Variants in KANK1 observed in about 807,000 individuals in gnomAD.
KANK1 encodes KN motif and ankyrin repeat domains 1.
KANK1 carries 109 observed loss-of-function variants against 106.2 expected under a neutral mutation model. That is an observed-to-expected ratio of 1.03 (90% CI 0.88 to 1.20). The LOEUF (loss-of-function observed/expected upper bound fraction) is 1.20, where lower values mean the gene tolerates loss of function less well. Among genes scored for constraint, KANK1 ranks in the 50% most tolerant of loss-of-function variants. The pLI is 0.00. For synonymous variants in KANK1, 873 were observed against 652.2 expected, an observed-to-expected ratio of 1.34 and a Z score of -5.16; for missense variants, 2,399 against 1,710.7, an observed-to-expected ratio of 1.40 and a Z score of -7.10.
At position 713,167 on chromosome 9, in the gene KANK1, GA is replaced by G; in HGVS notation, c.2402del (p.Asp801ValfsTer4). 1 of 1,588,772 alleles carries G rather than the reference GA, an allele frequency of 6.3e-7. No homozygotes were observed. The highest frequency in any genetic ancestry group is 8.6e-7 in the Non-Finnish European group (1 of 1,166,702). On this transcript the variant is annotated frameshift_variant, in exon 3 of 12. Coordinates refer to ENST00000382297, the MANE Select transcript of KANK1 (RefSeq NM_015158.5). LOFTEE classifies it high-confidence loss of function. Reference protein sequence around the residue: ...TASRRSVGVGDDPVGESLENP... With the variant: ...TASRRSVGVGXDPVGESLENP... Reference sequence around the variant, plus strand: ...CAGCAGAAGGAGCGTGGGGGTTGGGGATGACCCTGTAGGGGAATCTCTGGAG... The same window carrying G: ...CAGCAGAAGGAGCGTGGGGGTTGGGGTGACCCTGTAGGGGAATCTCTGGAG...
At chr9:533,374 TGAA>T (rs1003580832) in intron 1 of KANK1, among the ~76,000 whole-genome samples, 9 of 152,234 alleles carry the variant, frequency 5.9e-5, no homozygotes, top group African/African-American at 2.2e-4. Flanking sequence ...TTTTTCCATC[TGAA>T]GAATGGACAT....
chr9:711,539 T>C lies in KANK1; in HGVS notation c.773T>C (p.Met258Thr), dbSNP rs368110608. The stretch of plus-strand genomic sequence containing the variant: ...ACCCCAGTGACCAACGTGAGCCCCA[T>C]GCACCTGCAGCACATCCGCGAGCAG... ...ISTPVTNVSP[M>T]HLQHIREQMA... Residue 258 changes from methionine (M) to threonine (T), a missense_variant, in exon 3 of 12, where the codon ATG becomes ACG. Coordinates refer to ENST00000382297, the MANE Select transcript of KANK1 (RefSeq NM_015158.5). 3 of 1,613,748 alleles carry C rather than the reference T, an allele frequency of 1.9e-6. No individual in the cohort carries two copies. The highest frequency in any genetic ancestry group is 2.2e-5 in the East Asian group (1 of 44,896).
chr9:623,061 C>T (rs949558951), intron 1 of KANK1, among the ~76,000 whole-genome samples: 39 of 152,042 alleles, frequency 2.6e-4, no homozygotes, highest in African/African-American at 8.9e-4. Flanking sequence ...ACAAGTGGGA[C>T]TACATCAAGC....
At chr9:676,813 T>G (rs1816509530) in intron 1 of KANK1, 77 bp from the exon 2 acceptor site, 1 of 609,902 alleles carries the variant, frequency 1.6e-6, no homozygotes, top group East Asian at 2.8e-5. Flanking sequence ...CAGTCATCTT[T>G]GTAAACAGAA....
upstream of KANK1, among the ~76,000 whole-genome samples, chr9:502,561 T>C (rs890757546): frequency 6.7e-6 from 1 of 150,070 alleles, no homozygotes; most frequent in African/African-American, 2.5e-5. Context: ...TCGTGCTCTG[T>C]CGCCCAGGCC....
At chr9:511,459 T>G (rs115334403) in intron 1 of KANK1, among the ~76,000 whole-genome samples, 3,302 of 152,286 alleles carry the variant, frequency 0.022, 89 homozygotes, top group African/African-American at 0.074. Context: ...GCACAGTTAC[T>G]AAACCTCTCT....
At chr9:685,131 C>T (rs1818303828) in intron 2 of KANK1, among the ~76,000 whole-genome samples, 1 of 152,176 alleles carries the variant, frequency 6.6e-6, no homozygotes, top group African/African-American at 2.4e-5. Flanking sequence ...GAAAAGTATG[C>T]TCATGTTTTA....
intron 1 of KANK1, among the ~76,000 whole-genome samples, chr9:545,724 C>CTTTTTT (rs61622402): frequency 2.9e-5 from 3 of 102,688 alleles, no homozygotes; most frequent in Admixed American, 1.1e-4. Flanking sequence ...TGTACAGAGC[C>CTTTTTT]TTTTTTTTTT....
intron 1 of KANK1, among the ~76,000 whole-genome samples, chr9:605,446 C>T (rs937261): frequency 1.3e-5 from 2 of 151,728 alleles, no homozygotes; most frequent in South Asian, 4.1e-4. Flanking sequence ...GGAAGGGCTT[C>T]CTGGAGGAGA....
intron 3 of KANK1, among the ~76,000 whole-genome samples, chr9:720,697 C>T (rs1829077429): frequency 6.6e-6 from 1 of 152,184 alleles, no homozygotes; most frequent in Non-Finnish European, 1.5e-5. Context: ...CATTCTGTCA[C>T]CCAGGTTGGA....
intron 1 of KANK1, among the ~76,000 whole-genome samples, chr9:542,052 G>A (rs1446642226): frequency 2.6e-5 from 4 of 151,604 alleles, no homozygotes; most frequent in African/African-American, 9.7e-5. Context: ...TCGCGCCACT[G>A]CACTCCAGCC....
chr9:624,092 C>A (rs1278283071), intron 1 of KANK1, among the ~76,000 whole-genome samples: 1 of 152,148 alleles, frequency 6.6e-6, no homozygotes, highest in African/African-American at 2.4e-5. Flanking sequence ...CATGGATGAA[C>A]CTGGAGGACA....
chr9:519,594 C>G lies in KANK1; in HGVS notation c.-84+14840C>G, dbSNP rs184373228. On this transcript the variant is annotated intron_variant, in intron 1 of 11. Coordinates refer to ENST00000382297, the MANE Select transcript of KANK1 (RefSeq NM_015158.5). The stretch of plus-strand genomic sequence containing the variant: ...TAATACTGAAAAGCTAAAGAAGAAC[C>G]TGGACTTTTTGGAATGATTTCGACC... Among the ~76,000 whole-genome samples, 482 of 151,786 alleles carry G rather than the reference C, an allele frequency of 3.2e-3. 7 individuals carry two copies. The highest frequency in any genetic ancestry group is 0.017 in the Middle Eastern group (5 of 294).
chr9:610,747 G>C (rs1395194358), intron 1 of KANK1, among the ~76,000 whole-genome samples: 1 of 152,170 alleles, frequency 6.6e-6, no homozygotes, highest in African/African-American at 2.4e-5. Flanking sequence ...CGGAGGGTTA[G>C]TTGAGACAGC....
chr9:657,163 T>G (rs1842333458), intron 1 of KANK1, among the ~76,000 whole-genome samples: 1 of 152,226 alleles, frequency 6.6e-6, no homozygotes. Flanking sequence ...CATAGTGTCT[T>G]CAAGTTTCCA....
At chr9:690,643 C>T (rs1563993224) in intron 2 of KANK1, among the ~76,000 whole-genome samples, 2 of 152,166 alleles carry the variant, frequency 1.3e-5, no homozygotes, top group African/African-American at 2.4e-5. Context: ...GCATCTTGAC[C>T]TGTCCACAGT....
intron 2 of KANK1, chr9:706,893 A>T: frequency 1.9e-5 from 19 of 985,474 alleles, no homozygotes; most frequent in African/African-American, 3.5e-5. Context: ...GTATAGGAAA[A>T]ACAGAGCCTC....
rs746627049 is a variant in KANK1, at chr9:711,928, G to A, written c.1162G>A (p.Ala388Thr). 4.3e-6 allele frequency: 7 copies of A among 1,614,156 alleles called. No individual in the cohort carries two copies. In the East Asian group the frequency reaches 8.9e-5, roughly 21 times the overall value. ...GAAGATCCAGGACAGCAGCTGTGAG[G>A]CCTCCTCAGAGCTCAGGGAGAATGG... is the stretch of plus-strand genomic sequence containing the variant. Reference protein sequence around the residue: ...EQKIQDSSCEASSELRENGEC... With the variant: ...EQKIQDSSCETSSELRENGEC... Residue 388 changes from alanine (A) to threonine (T), a missense_variant, in exon 3 of 12, where the codon GCC becomes ACC. Transcript: ENST00000382297.
At chr9:667,546 A>T (rs796328776) in intron 1 of KANK1, among the ~76,000 whole-genome samples, 7 of 151,844 alleles carry the variant, frequency 4.6e-5, no homozygotes, top group African/African-American at 1.7e-4. Flanking sequence ...AACTTTTTTG[A>T]TGTAGATGTT....
Sources: gnomAD v4.1 joint callset for allele counts (sites outside exome capture counted in the v4.1 genomes callset) on GRCh38, gnomAD v4.1.1 for gene constraint, MANE v1.5 for transcripts, NCBI Gene and HGNC (gene_info 2026-07-23, HGNC 2026-07-21) for gene names.